CTNNA2: variants seen among roughly 807,000 people sequenced by gnomAD.
CTNNA2 encodes catenin alpha 2, also known as catenin alpha-2.
CTNNA2 carries 42 observed loss-of-function variants against 101.0 expected under a neutral mutation model. The ratio of observed to expected loss-of-function variants is 0.42; its 90% CI spans 0.32 to 0.54. The LOEUF is 0.54. CTNNA2 is among the 20% of genes least tolerant of loss of function. The pLI, the probability that CTNNA2 is intolerant of heterozygous loss-of-function variation, is 0.14. For missense variants in CTNNA2, 871 were observed against 1,223.1 expected (o/e 0.71, Z 4.29); for synonymous variants, 450 against 456.4 (o/e 0.99, Z 0.18).
At chr2:80,043,135 T>TC (rs1696269308) in intron 7 of CTNNA2, among the ~76,000 whole-genome samples, 1 of 49,240 alleles carries the variant, frequency 2.0e-5, no homozygotes, top group African/African-American at 1.3e-4. Flanking sequence ...CCTTCCTTCC[T>TC]TCCTTCCTTC....
intron 1 of CTNNA2, among the ~76,000 whole-genome samples, chr2:79,538,441 T>C (rs1470685513): frequency 2.0e-5 from 3 of 152,204 alleles, no homozygotes; most frequent in African/African-American, 7.2e-5. Context: ...TTTAGTTATC[T>C]TTGGAATTGT....
At chr2:79,809,490 C>A (rs903938292) in intron 3 of CTNNA2, among the ~76,000 whole-genome samples, 1 of 152,134 alleles carries the variant, frequency 6.6e-6, no homozygotes, top group African/African-American at 2.4e-5. Flanking sequence ...CTGTAACTGG[C>A]ATGAGATGTT....
chr2:80,061,165 A>G (rs1697573460), intron 7 of CTNNA2, among the ~76,000 whole-genome samples: 1 of 152,214 alleles, frequency 6.6e-6, no homozygotes, highest in Non-Finnish European at 1.5e-5. Flanking sequence ...AGGAAAAAAT[A>G]ATATGTAATC....
intron 7 of CTNNA2, among the ~76,000 whole-genome samples, chr2:80,277,284 C>G (rs1462954952): frequency 6.6e-6 from 1 of 152,034 alleles, no homozygotes; most frequent in Non-Finnish European, 1.5e-5. Flanking sequence ...CTCCACAGAT[C>G]CTTGAGTTCA....
chr2:79,825,241 A>T (rs1443349906), intron 3 of CTNNA2, among the ~76,000 whole-genome samples: 1 of 152,152 alleles, frequency 6.6e-6, no homozygotes, highest in African/African-American at 2.4e-5. Flanking sequence ...ATAGAATGGA[A>T]CATAGTGCAG....
At chr2:79,271,899 C>A (rs754749859) in intron 2 of CTNNA2, among the ~76,000 whole-genome samples, 2 of 152,026 alleles carry the variant, frequency 1.3e-5, no homozygotes, top group Non-Finnish European at 2.9e-5. Flanking sequence ...TTACTGAAAG[C>A]TTTTCCATGG....
At chr2:80,599,642 T>C (rs2149762957) in intron 15 of CTNNA2, among the ~76,000 whole-genome samples, 1 of 152,286 alleles carries the variant, frequency 6.6e-6, no homozygotes, top group Admixed American at 6.5e-5. Flanking sequence ...AACCTGGGCC[T>C]TGAAACTTTC....
At chr2:80,355,387 C>T (rs959407322) in intron 7 of CTNNA2, among the ~76,000 whole-genome samples, 2 of 152,124 alleles carry the variant, frequency 1.3e-5, no homozygotes, top group Non-Finnish European at 2.9e-5. Flanking sequence ...TCTTGCCTGG[C>T]ATATGGGCAT....
chr2:80,294,641 A>T (rs899503087), intron 7 of CTNNA2, among the ~76,000 whole-genome samples: 22 of 152,122 alleles, frequency 1.4e-4, no homozygotes, highest in South Asian at 4.2e-4. Flanking sequence ...AGCTTAAAAA[A>T]AATAATAATA....
chr2:79,692,928 T>A (rs923671380), intron 2 of CTNNA2, among the ~76,000 whole-genome samples: 6 of 151,608 alleles, frequency 4.0e-5, no homozygotes, highest in Admixed American at 6.6e-5. Context: ...ATGTAGATGA[T>A]GGGTTGATGG....
chr2:80,211,777 G>C (rs1707907776), intron 7 of CTNNA2, among the ~76,000 whole-genome samples: 2 of 152,074 alleles, frequency 1.3e-5, no homozygotes, highest in Admixed American at 1.3e-4. Flanking sequence ...AGCTTGATGG[G>C]GATGGCATTG....
intron 7 of CTNNA2, among the ~76,000 whole-genome samples, chr2:80,134,701 T>G (rs943035915): frequency 5.3e-5 from 8 of 152,232 alleles, no homozygotes; most frequent in African/African-American, 1.9e-4. Flanking sequence ...ACCCCTGTTC[T>G]GCCTTTCCGG....
intron 7 of CTNNA2, among the ~76,000 whole-genome samples, chr2:80,274,918 A>G (rs1031110131): frequency 3.3e-5 from 5 of 152,198 alleles, no homozygotes; most frequent in African/African-American, 1.2e-4. Context: ...TTATCATACC[A>G]TAATGATTTG....
intron 2 of CTNNA2, among the ~76,000 whole-genome samples, chr2:79,680,189 A>G (rs4258819): frequency 0.67 from 102,090 of 151,878 alleles, 34,682 homozygotes; most frequent in East Asian, 0.92. Flanking sequence ...GCAAATAAAC[A>G]AAACAGAAAA....
chr2:79,900,584 A>G (rs1162781562), intron 6 of CTNNA2, among the ~76,000 whole-genome samples: 1 of 152,142 alleles, frequency 6.6e-6, no homozygotes, highest in Non-Finnish European at 1.5e-5. Flanking sequence ...ACCTGCGACT[A>G]CATGGCTTTG....
intron 3 of CTNNA2, among the ~76,000 whole-genome samples, chr2:79,775,298 T>A (rs1289683906): frequency 2.6e-5 from 4 of 152,200 alleles, no homozygotes; most frequent in Non-Finnish European, 4.4e-5. Flanking sequence ...CAATTTTTAA[T>A]TTTCTCTCTA....
At chr2:79,292,155 T>C (rs1236106603) in intron 2 of CTNNA2, among the ~76,000 whole-genome samples, 1 of 152,136 alleles carries the variant, frequency 6.6e-6, no homozygotes, top group African/African-American at 2.4e-5. Context: ...CTTTAAAAAA[T>C]TGATGGTTCT....
chr2:79,648,988 A>T (rs1379737046), intron 1 of CTNNA2, among the ~76,000 whole-genome samples: 1 of 152,168 alleles, frequency 6.6e-6, no homozygotes, highest in African/African-American at 2.4e-5. Context: ...GAATAAATTA[A>T]TTTGAGTGAT....
intron 15 of CTNNA2, among the ~76,000 whole-genome samples, chr2:80,596,225 CTT>C (rs1483911448): frequency 7.7e-6 from 1 of 129,176 alleles, no homozygotes; most frequent in Non-Finnish European, 1.6e-5. Context: ...CATCCTGAGA[CTT>C]TACTGAAGTT....
Sources: allele counts gnomAD v4.1 joint callset (sites outside exome capture counted in the v4.1 genomes callset), GRCh38; gene constraint gnomAD v4.1.1; transcripts MANE v1.5; gene names NCBI Gene and HGNC (gene_info 2026-07-23, HGNC 2026-07-21).